The following ZNF831 variants were observed in gnomAD, a reference collection of about 807,000 sequenced individuals.
ZNF831 encodes chromosome 20 open reading frame 174.
Under a neutral mutation model 95.8 loss-of-function variants are expected in ZNF831, and 59 were observed. That is an observed-to-expected ratio of 0.62 (90% CI 0.50 to 0.77). The LOEUF is 0.77. Among genes scored for constraint, ZNF831 ranks in the 30% least tolerant of loss-of-function variants. The pLI is 0.00. For synonymous variants in ZNF831, 961 were observed against 925.5 expected, an observed-to-expected ratio of 1.04 and a Z score of -0.70; for missense variants, 2,205 against 2,164.0, an observed-to-expected ratio of 1.02 and a Z score of -0.38.
intron 2 of ZNF831, among the ~76,000 whole-genome samples, chr20:59,157,739 T>C (rs1343307477): frequency 2.0e-5 from 3 of 152,208 alleles, no homozygotes; most frequent in Non-Finnish European, 4.4e-5. Context: ...TTTAAACATA[T>C]TGTTTTTGTA....
intron 2 of ZNF831, among the ~76,000 whole-genome samples, chr20:59,148,403 C>A (rs951835252): frequency 4.3e-5 from 5 of 117,070 alleles, no homozygotes; most frequent in Admixed American, 7.6e-5. Context: ...ACAGAGCGGC[C>A]GGGCGCGGTG....
rs535733163 is a variant in ZNF831 at position 59,244,364 on chromosome 20, C to G, written c.4028-8614C>G. Among the ~76,000 whole-genome samples, 4 of 152,304 alleles carry G rather than the reference C, an allele frequency of 2.6e-5. No individual in the cohort carries two copies. In the East Asian group the frequency reaches 7.7e-4, roughly 29 times the overall value. On this transcript the variant is annotated intron_variant, in intron 4 of 5. Transcript: ENST00000371030. ...TAGTTACTGGTGTGTGAGGATTTAT[C>G]TCTGTCTTTCAGCAACCTGTTCTGA...
At chr20:59,137,348 A>G (rs919426621) in intron 1 of ZNF831, among the ~76,000 whole-genome samples, 1 of 151,052 alleles carries the variant, frequency 6.6e-6, no homozygotes, top group Non-Finnish European at 1.5e-5. Flanking sequence ...TTCTCACTAC[A>G]TTTTGTGTAA....
chr20:59,161,670 A>G (rs917378009), upstream of ZNF831, among the ~76,000 whole-genome samples: 14 of 152,212 alleles, frequency 9.2e-5, no homozygotes, highest in Non-Finnish European at 1.5e-4. Context: ...GTTGACAGGC[A>G]CCCAGGTTGA....
intron 4 of ZNF831, among the ~76,000 whole-genome samples, chr20:59,222,713 G>T (rs1452045804): frequency 6.6e-6 from 1 of 152,228 alleles, no homozygotes; most frequent in East Asian, 1.9e-4. Flanking sequence ...CACCGCCGAA[G>T]CCCGGCTCCC....
chr20:59,236,388 A>G (rs1226677241), intron 4 of ZNF831, among the ~76,000 whole-genome samples: 1 of 151,950 alleles, frequency 6.6e-6, no homozygotes, highest in Non-Finnish European at 1.5e-5. Flanking sequence ...CCCTTTGAAG[A>G]GCTTTCACCT....
chr20:59,219,468 G>A (rs891234275), intron 4 of ZNF831, among the ~76,000 whole-genome samples: 4 of 152,122 alleles, frequency 2.6e-5, no homozygotes, highest in Admixed American at 6.5e-5. Context: ...AATGCAGTGC[G>A]GTGAGCTCGC....
intron 4 of ZNF831, among the ~76,000 whole-genome samples, chr20:59,249,570 G>C (rs1987785069): frequency 6.6e-6 from 1 of 152,078 alleles, no homozygotes; most frequent in South Asian, 2.1e-4. Flanking sequence ...GGATGTGGTT[G>C]TTGAACAGGT....
At chr20:59,218,121 A>G (rs1362364290) in intron 4 of ZNF831, among the ~76,000 whole-genome samples, 2 of 152,368 alleles carry the variant, frequency 1.3e-5, no homozygotes, top group South Asian at 2.1e-4. Context: ...GGCTTTAGGC[A>G]GAGGCTGAGC....
chr20:59,164,328 G>A (rs932918936), intron 1 of ZNF831, among the ~76,000 whole-genome samples, 121 bp downstream of exon 1: 4 of 152,148 alleles, frequency 2.6e-5, no homozygotes, highest in African/African-American at 4.8e-5. Context: ...AAAATGCTAC[G>A]TAAAACTGTG....
chr20:59,210,470 G>A (rs1163589390), intron 4 of ZNF831, among the ~76,000 whole-genome samples: 1 of 152,164 alleles, frequency 6.6e-6, no homozygotes, highest in Non-Finnish European at 1.5e-5. Context: ...CTGAGCATGA[G>A]GCTGTGTCAG....
In ZNF831 at chr20:59,242,463, G is replaced by T. The variant is rs192015175; in HGVS notation, c.4028-10515G>T. ...ATTTTTTCTCCTCATATATCCTTTT[G>T]CTGTCTAAATTTTAGATACACACTT... On this transcript the variant is annotated intron_variant, in intron 4 of 5. Coordinates refer to ENST00000371030, the MANE Select transcript of ZNF831 (RefSeq NM_178457.3). 7.2e-5 allele frequency among the ~76,000 whole-genome samples: 11 copies of T among 152,142 alleles called. No homozygotes were observed. The East Asian group carries it at 1.9e-3, about 27-fold the overall frequency.
At chr20:59,146,629 TGTGGATGAAG>T (rs970050556) in intron 2 of ZNF831, 76 of 152,252 alleles carry the variant, frequency 5.0e-4, no homozygotes, top group African/African-American at 1.7e-3. Context: ...AAACCTCAGA[TGTGGATGAAG>T]GTGCCGTCCT....
At chr20:59,190,098 G>A (rs910195947) in intron 1 of ZNF831, among the ~76,000 whole-genome samples, 4 of 152,180 alleles carry the variant, frequency 2.6e-5, no homozygotes, top group African/African-American at 9.7e-5. Context: ...TGGCTTAGAG[G>A]GAACCAGTTT....
chr20:59,251,091 A>G (rs2146751725), intron 4 of ZNF831, among the ~76,000 whole-genome samples: 1 of 152,336 alleles, frequency 6.6e-6, no homozygotes, highest in Non-Finnish European at 1.5e-5. Context: ...ATGGGCTAAT[A>G]CATATGTTAT....
rs936311313 is a variant in ZNF831, at chr20:59,217,785, A to T, written c.4027+10729A>T. On this transcript the variant is annotated intron_variant, in intron 4 of 5. Transcript: ENST00000371030. This position sits in a 1 kb window ranked among gnomAD's most constrained non-coding sequence, Gnocchi z 4.4. ...ATAAGACTCGTTTATTTATTTATTT[A>T]TTTTTTTAAATCACAGAGAAGTAAG... 1.6e-4 allele frequency among the ~76,000 whole-genome samples: 25 copies of T among 152,194 alleles called. No individual in the cohort carries two copies. The highest frequency in any genetic ancestry group is 5.3e-4 in the African/African-American group (22 of 41,526).
rs539647483 is a variant in ZNF831, at chr20:59,205,415, C to A, written c.3876-1490C>A. On this transcript the variant is annotated intron_variant, in intron 3 of 5. Transcript: ENST00000371030. ...CCCCACCAAACTAACCTCCCCTCCC[C>A]CCAGCCGGGGAATGACAGCTCCTGC... 2.0e-5 allele frequency among the ~76,000 whole-genome samples: 3 copies of A among 152,330 alleles called. No homozygotes were observed. In the South Asian group the frequency reaches 6.2e-4, roughly 32 times the overall value.
chr20:59,230,759 C>G (rs1986678269), intron 4 of ZNF831, among the ~76,000 whole-genome samples: 1 of 152,184 alleles, frequency 6.6e-6, no homozygotes, highest in Admixed American at 6.5e-5. Flanking sequence ...AGTTTAGGAA[C>G]TAGGCTAAAG....
intron 1 of ZNF831, among the ~76,000 whole-genome samples, chr20:59,187,019 G>A (rs896004038): frequency 1.3e-5 from 2 of 152,090 alleles, no homozygotes; most frequent in African/African-American, 2.4e-5. Context: ...GCCAGTTCAA[G>A]CTGTGAACAT....
Sources: gnomAD v4.1 joint callset for allele counts (sites outside exome capture counted in the v4.1 genomes callset) on GRCh38, gnomAD v4.1.1 for gene constraint, Gnocchi (gnomAD v3.1) non-coding constraint, MANE v1.5 for transcripts, NCBI Gene and HGNC (gene_info 2026-07-23, HGNC 2026-07-21) for gene names.